The following DEPDC1B variants were observed in gnomAD, a reference collection of about 807,000 sequenced individuals.
DEPDC1B encodes the protein DEP domain containing 1B.
In DEPDC1B, 51 loss-of-function variants were observed where a neutral mutation model predicts 66.5. The observed-to-expected ratio is 0.77, with a 90% CI of 0.61 to 0.97. The LOEUF is 0.97. Ranked by LOEUF, DEPDC1B falls within the 50% of genes least tolerant of loss-of-function variation. DEPDC1B has a pLI of 0.00. For synonymous variants in DEPDC1B, 226 were observed against 223.6 expected (o/e 1.01, Z -0.10); for missense variants, 552 against 637.1 (o/e 0.87, Z 1.44).
intron 7 of DEPDC1B, among the ~76,000 whole-genome samples, chr5:60,626,039 A>G (rs886670168): frequency 1.3e-5 from 2 of 151,824 alleles, no homozygotes; most frequent in Non-Finnish European, 2.9e-5. Context: ...ATATGATTCT[A>G]GTGATTTTTT....
At chr5:60,668,735 A>G (rs1753962612) in intron 2 of DEPDC1B, among the ~76,000 whole-genome samples, 1 of 152,198 alleles carries the variant, frequency 6.6e-6, no homozygotes, top group African/African-American at 2.4e-5. Context: ...ATTCAAGATA[A>G]CATCATGAAA....
At chr5:60,603,966 A>T (rs1752258902) in intron 8 of DEPDC1B, among the ~76,000 whole-genome samples, 1 of 151,580 alleles carries the variant, frequency 6.6e-6, no homozygotes, top group African/African-American at 2.4e-5. Flanking sequence ...GTCAATTATT[A>T]TTTATCCTAA....
At chr5:60,628,981 G>A (rs1752862724) in intron 7 of DEPDC1B, among the ~76,000 whole-genome samples, 1 of 152,186 alleles carries the variant, frequency 6.6e-6, no homozygotes. Context: ...ACTGATATAA[G>A]TAGCTTGTGT....
At chr5:60,669,628 A>G (rs974015659) in intron 2 of DEPDC1B, among the ~76,000 whole-genome samples, 1 of 152,210 alleles carries the variant, frequency 6.6e-6, no homozygotes, top group African/African-American at 2.4e-5. Context: ...ATTTCACAAT[A>G]CTTTCTGAAA....
chr5:60,655,311 A>G (rs1056700598), intron 2 of DEPDC1B, among the ~76,000 whole-genome samples: 1 of 148,112 alleles, frequency 6.8e-6, no homozygotes, highest in African/African-American at 2.6e-5. Context: ...GCTGCTTGCT[A>G]TTGGTCTGTT....
chr5:60,700,079 G>T lies in DEPDC1B; in HGVS notation c.15C>A (p.Ile5=). Residue 5 remains isoleucine (I), a synonymous_variant, in exon 1 of 11, where the codon ATC becomes ATA. Transcript: ENST00000265036. ...TAGCTCGGTACGGCCCGGGCCCCAC[G>T]ATGCGATGCTCCATGGCGCGTAGGC... MEHR[I]VGPGPYRATR... 6.4e-7 allele frequency: 1 copy of T among 1,557,406 alleles called. No homozygotes were observed. The highest frequency in any genetic ancestry group is 8.7e-7 in the Non-Finnish European group (1 of 1,152,946).
rs1025745417 is a variant in DEPDC1B at position 60,677,753 on chromosome 5, G to C, written c.314+9209C>G. On this transcript the variant is annotated intron_variant, in intron 2 of 10. Coordinates refer to ENST00000265036, the MANE Select transcript of DEPDC1B (RefSeq NM_018369.3). The stretch of plus-strand genomic sequence containing the variant: ...AGGGTATCACTTTGTTGCCCTGTCA[G>C]TTTATATTTGAGAAAACCAATGCCC... Among the ~76,000 whole-genome samples, 5 of 152,122 alleles carry C rather than the reference G, an allele frequency of 3.3e-5. No homozygotes were observed. The East Asian group carries it at 9.6e-4, about 29-fold the overall frequency.
chr5:60,665,231 T>G (rs1305337401), intron 2 of DEPDC1B, among the ~76,000 whole-genome samples: 1 of 152,030 alleles, frequency 6.6e-6, no homozygotes, highest in African/African-American at 2.4e-5. Flanking sequence ...AGCTAACCAA[T>G]GAAAATTACT....
intron 7 of DEPDC1B, chr5:60,628,550 G>A (rs151085689): frequency 2.6e-5 from 4 of 152,158 alleles, no homozygotes; most frequent in Non-Finnish European, 5.9e-5. Flanking sequence ...AAAATAAAAG[G>A]TTTATACTTA....
chr5:60,675,997 G>A (rs1024496115), intron 2 of DEPDC1B, among the ~76,000 whole-genome samples: 10 of 150,542 alleles, frequency 6.6e-5, no homozygotes, highest in African/African-American at 1.2e-4. Context: ...GCACAATCTC[G>A]GCTCACTGCA....
intron 7 of DEPDC1B, among the ~76,000 whole-genome samples, chr5:60,617,856 C>G (rs1369654570): frequency 6.6e-6 from 1 of 152,238 alleles, no homozygotes; most frequent in African/African-American, 2.4e-5. Flanking sequence ...CACCACACCA[C>G]TCCTATTCCA....
At chr5:60,672,631 G>T (rs1754067909) in intron 2 of DEPDC1B, among the ~76,000 whole-genome samples, 3 of 152,126 alleles carry the variant, frequency 2.0e-5, no homozygotes, top group African/African-American at 7.2e-5. Context: ...GGACACAGAG[G>T]CAAATCATGT....
intron 2 of DEPDC1B, among the ~76,000 whole-genome samples, chr5:60,679,145 G>A (rs1754234800): frequency 6.6e-6 from 1 of 152,046 alleles, no homozygotes; most frequent in African/African-American, 2.4e-5. Context: ...ATAATTTGCT[G>A]AAAATACTCA....
chr5:60,692,923 A>C (rs1353350155), intron 1 of DEPDC1B, among the ~76,000 whole-genome samples: 1 of 152,146 alleles, frequency 6.6e-6, no homozygotes, highest in Non-Finnish European at 1.5e-5. Flanking sequence ...ATTTACTTGA[A>C]GCTCAAAAGC....
chr5:60,597,529 T>C lies in DEPDC1B; in HGVS notation c.*224A>G. ...ACATGTTAACATTATCACTATATAT[T>C]TGACTCATAAATTTTAACCAATTTA... On this transcript the variant is annotated 3_prime_UTR_variant, in exon 11 of 11. Transcript: ENST00000265036. 2.2e-6 allele frequency: 1 copy of C among 450,080 alleles called. No individual in the cohort carries two copies. The highest frequency in any genetic ancestry group is 3.0e-5 in the South Asian group (1 of 33,548). 27.9% of individuals were successfully genotyped at this position (450,080 alleles called of 1,614,324 possible).
At chr5:60,672,006 T>C (rs1420652479) in intron 2 of DEPDC1B, among the ~76,000 whole-genome samples, 1 of 152,206 alleles carries the variant, frequency 6.6e-6, no homozygotes, top group Non-Finnish European at 1.5e-5. Context: ...TGTCCATTCA[T>C]TGACACACCG....
intron 7 of DEPDC1B, among the ~76,000 whole-genome samples, chr5:60,611,897 T>A (rs1277014792): frequency 1.3e-5 from 2 of 152,146 alleles, no homozygotes; most frequent in Non-Finnish European, 2.9e-5. Context: ...CTAGCTAAGA[T>A]CATAATGAAA....
intron 2 of DEPDC1B, among the ~76,000 whole-genome samples, chr5:60,651,644 G>A (rs1013095120): frequency 6.6e-6 from 1 of 152,140 alleles, no homozygotes; most frequent in African/African-American, 2.4e-5. Flanking sequence ...AGAAATGTGT[G>A]GTATCTGCAA....
chr5:60,664,795 A>G (rs1028163851), intron 2 of DEPDC1B, among the ~76,000 whole-genome samples: 1 of 152,172 alleles, frequency 6.6e-6, no homozygotes, highest in South Asian at 2.1e-4. Flanking sequence ...TAGGAGAAGG[A>G]AAAAGAGTAA....
Sources: gnomAD v4.1 joint callset for allele counts (sites outside exome capture counted in the v4.1 genomes callset) on GRCh38, gnomAD v4.1.1 for gene constraint, MANE v1.5 for transcripts, NCBI Gene and HGNC (gene_info 2026-07-23, HGNC 2026-07-21) for gene names.